VSTM2B: variants seen among roughly 807,000 people sequenced by gnomAD.
VSTM2B encodes V-set and transmembrane domain-containing protein 2B.
VSTM2B carries 24 observed loss-of-function variants against 24.0 expected under a neutral mutation model. The observed-to-expected ratio is 1.00, with a 90% CI of 0.72 to 1.40. The LOEUF (loss-of-function observed/expected upper bound fraction) is 1.40, where lower values mean the gene tolerates loss of function less well. VSTM2B is among the 40% of genes most tolerant of loss of function. The pLI is 0.00. For synonymous variants in VSTM2B, 226 were observed against 194.4 expected (o/e 1.16, Z -1.35); for missense variants, 399 against 416.4 (o/e 0.96, Z 0.36).
At chr19:29,529,403 C>T (rs569740465) in intron 3 of VSTM2B, among the ~76,000 whole-genome samples, 1 of 152,212 alleles carries the variant, frequency 6.6e-6, no homozygotes, top group South Asian at 2.1e-4. Flanking sequence ...TCGGTTGGAG[C>T]GCGTCGGGGC....
At chr19:29,548,951 G>A (rs1030865812) in intron 4 of VSTM2B, among the ~76,000 whole-genome samples, 11 of 152,224 alleles carry the variant, frequency 7.2e-5, no homozygotes, top group African/African-American at 2.4e-4. Flanking sequence ...CTCACCCTGG[G>A]CCCAGGCTGG....
At chr19:29,552,045 C>A (rs1175398263) in intron 4 of VSTM2B, among the ~76,000 whole-genome samples, 1 of 152,224 alleles carries the variant, frequency 6.6e-6, no homozygotes, top group Non-Finnish European at 1.5e-5. Flanking sequence ...GACATTGGAA[C>A]AGACAGTGTG....
At chr19:29,551,747 G>T (rs1023840377) in intron 4 of VSTM2B, among the ~76,000 whole-genome samples, 1 of 152,094 alleles carries the variant, frequency 6.6e-6, no homozygotes. Context: ...AAATAAACTT[G>T]CTCATGCTCC....
chr19:29,548,479 C>T (rs745840956), intron 4 of VSTM2B, among the ~76,000 whole-genome samples: 8 of 152,214 alleles, frequency 5.3e-5, no homozygotes, highest in African/African-American at 1.2e-4. Context: ...TAATTCTACC[C>T]GAACTCCGTT....
chr19:29,530,651 C>G (rs1969733834), intron 4 of VSTM2B, among the ~76,000 whole-genome samples: 1 of 152,098 alleles, frequency 6.6e-6, no homozygotes, highest in South Asian at 2.1e-4. Context: ...AGTACTCAGC[C>G]ACCACCGGTG....
intron 4 of VSTM2B, among the ~76,000 whole-genome samples, chr19:29,539,171 G>A (rs748022936): frequency 4.6e-5 from 7 of 152,128 alleles, no homozygotes; most frequent in African/African-American, 7.2e-5. Flanking sequence ...TCATGGTTTC[G>A]TGTGGTCCAT....
At chr19:29,527,840 G>C (rs1344829808) in intron 2 of VSTM2B, among the ~76,000 whole-genome samples, 1 of 152,134 alleles carries the variant, frequency 6.6e-6, no homozygotes, top group Admixed American at 6.5e-5. Flanking sequence ...AGGACCTCCA[G>C]CCCTCAGGGG....
intron 4 of VSTM2B, among the ~76,000 whole-genome samples, chr19:29,542,030 A>G (rs1373085400): frequency 2.0e-5 from 3 of 148,900 alleles, no homozygotes; most frequent in Admixed American, 6.7e-5. Context: ...AGTAGATGGT[A>G]GATGGGTGAG....
At chr19:29,548,332 T>A (rs1214133308) in intron 4 of VSTM2B, among the ~76,000 whole-genome samples, 1 of 152,102 alleles carries the variant, frequency 6.6e-6, no homozygotes, top group Non-Finnish European at 1.5e-5. Context: ...CCTGTGCATG[T>A]CTCGTCTGCT....
At position 29,526,363 on chromosome 19, in the gene VSTM2B, C is replaced by T. The variant is rs1969563979; in HGVS notation, c.-221C>T. 1 of 189,376 alleles carries T rather than the reference C, an allele frequency of 5.3e-6. No individual in the cohort carries two copies. The highest frequency in any genetic ancestry group is 2.4e-5 in the African/African-American group (1 of 42,226). The allele number at this position is 189,376 out of a possible 1,614,324, so 11.7% of individuals were successfully genotyped here. A position where few individuals can be genotyped will look rare whatever the true frequency, so the allele number is the denominator to read the frequency against. On this transcript the variant is annotated 5_prime_UTR_variant, in exon 1 of 5. Coordinates refer to ENST00000335523, the MANE Select transcript of VSTM2B (RefSeq NM_001146339.2). The surrounding 1 kb of genome is among the most constrained non-coding windows in gnomAD (Gnocchi z 4.1). ...CAGCAGCCTCCCGGTGGGACCGCGTCTCCTGCACACCCCGCGCAGCGCCCC... is the reference window on the plus strand; with the variant it reads ...CAGCAGCCTCCCGGTGGGACCGCGTTTCCTGCACACCCCGCGCAGCGCCCC...
chr19:29,551,696 C>T (rs1056841955), intron 4 of VSTM2B, among the ~76,000 whole-genome samples: 1 of 152,144 alleles, frequency 6.6e-6, no homozygotes, highest in Non-Finnish European at 1.5e-5. Flanking sequence ...GAGGGCTTCC[C>T]TCACCTCTCA....
chr19:29,541,702 G>A (rs1285107145), intron 4 of VSTM2B, among the ~76,000 whole-genome samples: 1 of 151,706 alleles, frequency 6.6e-6, no homozygotes, highest in African/African-American at 2.4e-5. Context: ...AAGTTGATGG[G>A]TAGTTGGGTG....
intron 4 of VSTM2B, among the ~76,000 whole-genome samples, chr19:29,557,400 T>C (rs547103898): frequency 6.6e-6 from 1 of 152,262 alleles, no homozygotes; most frequent in African/African-American, 2.4e-5. Context: ...TCAAGATAGA[T>C]TAAAGACTTA....
intron 4 of VSTM2B, among the ~76,000 whole-genome samples, chr19:29,559,487 C>T (rs1325147728): frequency 6.6e-6 from 1 of 152,210 alleles, no homozygotes; most frequent in Non-Finnish European, 1.5e-5. Context: ...GGAGGGATAG[C>T]ATTAGGAGAA....
chr19:29,560,966 T>C (rs10417164), intron 4 of VSTM2B, among the ~76,000 whole-genome samples: 8,611 of 152,252 alleles, frequency 0.057, 439 homozygotes, highest in African/African-American at 0.13. Context: ...ATGCAGATTA[T>C]TTCTGTCTCA....
intron 1 of VSTM2B, 24 bp from the exon 2 acceptor site, chr19:29,527,187 C>G: frequency 7.6e-7 from 1 of 1,310,272 alleles, no homozygotes; most frequent in Non-Finnish European, 1.0e-6. Context: ...CTGGTCACGC[C>G]TCTCTCTCTC....
chr19:29,538,894 C>T (rs1247831364), intron 4 of VSTM2B, among the ~76,000 whole-genome samples: 1 of 152,144 alleles, frequency 6.6e-6, no homozygotes, highest in Non-Finnish European at 1.5e-5. Flanking sequence ...CGGGACCCAC[C>T]TCCAACACTG....
intron 4 of VSTM2B, among the ~76,000 whole-genome samples, chr19:29,548,224 T>G (rs1185054327): frequency 1.3e-5 from 2 of 152,000 alleles, no homozygotes; most frequent in Non-Finnish European, 2.9e-5. Flanking sequence ...CTGGGCATCA[T>G]CACCAAGGGA....
chr19:29,535,522 C>T (rs909023865), intron 4 of VSTM2B, among the ~76,000 whole-genome samples: 1 of 152,118 alleles, frequency 6.6e-6, no homozygotes, highest in Admixed American at 6.5e-5. Context: ...GGAGAACTGG[C>T]TCTCAATATT....
Sources: gnomAD v4.1 joint callset for allele counts (sites outside exome capture counted in the v4.1 genomes callset) on GRCh38, gnomAD v4.1.1 for gene constraint, Gnocchi (gnomAD v3.1) non-coding constraint, MANE v1.5 for transcripts, NCBI Gene and HGNC (gene_info 2026-07-23, HGNC 2026-07-21) for gene names.